The following NAV2 variants were observed in gnomAD, a reference collection of about 807,000 sequenced individuals.
The protein encoded by NAV2 is neuron navigator 2, also known as helicase, APC down-regulated 1.
NAV2 carries 54 observed loss-of-function variants against 223.2 expected under a neutral mutation model. The observed-to-expected ratio is 0.24, with a 90% CI of 0.19 to 0.30. The LOEUF is 0.30. Among genes scored for constraint, NAV2 ranks in the 10% least tolerant of loss-of-function variants. The pLI is 1.00. For missense variants in NAV2, 2,806 were observed against 3,147.5 expected (o/e 0.89, Z 2.60); for synonymous variants, 1,279 against 1,239.3 (o/e 1.03, Z -0.67).
chr11:19,545,969 T>C (rs1315162395), intron 1 of NAV2, among the ~76,000 whole-genome samples: 1 of 152,166 alleles, frequency 6.6e-6, no homozygotes, highest in East Asian at 1.9e-4. Flanking sequence ...GCAGAGTCTA[T>C]AATCTAATCT....
At chr11:20,058,031 G>C (rs1418241766) in intron 19 of NAV2, among the ~76,000 whole-genome samples, 1 of 152,102 alleles carries the variant, frequency 6.6e-6, no homozygotes, top group African/African-American at 2.4e-5. Flanking sequence ...ATCATCTTTT[G>C]GAAAATATGG....
intron 1 of NAV2, among the ~76,000 whole-genome samples, chr11:19,826,903 C>T (rs1324377251): frequency 6.6e-6 from 1 of 152,238 alleles, no homozygotes; most frequent in Non-Finnish European, 1.5e-5. Context: ...TTACCAGCCT[C>T]CTGCGGTGGG....
chr11:19,697,628 G>T (rs921080206), intron 1 of NAV2, among the ~76,000 whole-genome samples: 5 of 152,080 alleles, frequency 3.3e-5, no homozygotes, highest in Non-Finnish European at 5.9e-5. Context: ...TGGGGCAGGA[G>T]GGGTCTTGGG....
At chr11:19,378,196 C>A (rs1231430640) in intron 1 of NAV2, among the ~76,000 whole-genome samples, 4 of 152,192 alleles carry the variant, frequency 2.6e-5, no homozygotes, top group Non-Finnish European at 4.4e-5. Flanking sequence ...CCCCAGCCCC[C>A]CTACACATGT....
At chr11:19,937,064 G>A (rs1229553368) in intron 7 of NAV2, among the ~76,000 whole-genome samples, 2 of 152,124 alleles carry the variant, frequency 1.3e-5, no homozygotes, top group African/African-American at 2.4e-5. Context: ...CTTGAACCTG[G>A]GAAGCGGAGG....
rs568755490 is a variant in NAV2 at position 19,876,944 on chromosome 11, ATATT to A, written c.512-2917_512-2914del. ...ATTAAATATATTTATATATATTTAT[ATATT>A]TATTTATCAATAAAAAATATTTATT... On this transcript the variant is annotated intron_variant, in intron 4 of 37. Coordinates refer to ENST00000349880, the MANE Select transcript of NAV2 (RefSeq NM_145117.5). 4.3e-3 allele frequency among the ~76,000 whole-genome samples: 612 copies of A among 141,458 alleles called. 5 individuals are homozygous for A. The highest frequency in any genetic ancestry group is 0.012 in the African/African-American group (495 of 40,242). The allele number at this position is 141,458 out of a possible 152,430, so 92.8% of individuals were successfully genotyped here. A position where few individuals can be genotyped will look rare whatever the true frequency, so the allele number is the denominator to read the frequency against.
intron 1 of NAV2, among the ~76,000 whole-genome samples, chr11:19,603,507 G>A (rs921699685): frequency 1.3e-4 from 19 of 151,806 alleles, no homozygotes; most frequent in African/African-American, 4.6e-4. Context: ...TGCGCCTGTA[G>A]TCCCAGCTAC....
At chr11:19,799,030 C>CTGCAAGACCA (rs2058078605) in intron 1 of NAV2, among the ~76,000 whole-genome samples, 1 of 152,180 alleles carries the variant, frequency 6.6e-6, no homozygotes, top group African/African-American at 2.4e-5. Context: ...AGGCTGGGTC[C>CTGCAAGACCA]TGCAAGACCA....
intron 11 of NAV2, among the ~76,000 whole-genome samples, chr11:19,999,636 G>A (rs183793417): frequency 1.2e-4 from 18 of 152,320 alleles, no homozygotes; most frequent in African/African-American, 4.1e-4. Context: ...CTCCCAAAGT[G>A]CTGGGATTAC....
chr11:19,622,442 G>A (rs1590707028), intron 1 of NAV2, among the ~76,000 whole-genome samples: 1 of 152,190 alleles, frequency 6.6e-6, no homozygotes, highest in Non-Finnish European at 1.5e-5. Context: ...GGGTGCTCCT[G>A]TATTGGGTTG....
At chr11:20,081,259 A>G (rs2060073998) in intron 25 of NAV2, among the ~76,000 whole-genome samples, 1 of 152,190 alleles carries the variant, frequency 6.6e-6, no homozygotes, top group Non-Finnish European at 1.5e-5. Flanking sequence ...AATGGCTCTT[A>G]GTCAACTTAT....
intron 1 of NAV2, among the ~76,000 whole-genome samples, chr11:19,427,045 CA>C (rs1382345598): frequency 6.7e-6 from 1 of 148,184 alleles, no homozygotes; most frequent in Non-Finnish European, 1.5e-5. Flanking sequence ...GACTTCTTAG[CA>C]GCTGACCGGG....
chr11:19,714,670 G>C (rs1590145655), intron 1 of NAV2, among the ~76,000 whole-genome samples: 1 of 152,196 alleles, frequency 6.6e-6, no homozygotes, highest in African/African-American at 2.4e-5. Flanking sequence ...TCCTTCCTGG[G>C]TGGTAGATCC....
At position 19,980,020 on chromosome 11, in the gene NAV2, A is replaced by G. The variant is rs73432286; in HGVS notation, c.2646-4105A>G. Among the ~76,000 whole-genome samples the G allele has an allele frequency of 9.3e-3, 1,416 of 152,334 alleles. 24 individuals carry two copies. Among genetic ancestry groups the G allele is most frequent in the African/African-American group, 0.032 (1,339 of 41,566 alleles). Reference sequence around the variant, plus strand: ...CAGTACCCAGTGAGCATTTAGTACCATTAGTGCTTACTAACAATGATGTAT... The same window carrying G: ...CAGTACCCAGTGAGCATTTAGTACCGTTAGTGCTTACTAACAATGATGTAT... On this transcript the variant is annotated intron_variant, in intron 10 of 37. Coordinates refer to ENST00000349880, the MANE Select transcript of NAV2 (RefSeq NM_145117.5).
intron 6 of NAV2, among the ~76,000 whole-genome samples, chr11:19,904,964 G>A (rs945402859): frequency 6.6e-6 from 1 of 152,138 alleles, no homozygotes; most frequent in Non-Finnish European, 1.5e-5. Context: ...GATTTGTTCT[G>A]GAAGAGTCTC....
At chr11:19,834,040 G>C (rs2060095489) in intron 2 of NAV2, among the ~76,000 whole-genome samples, 1 of 152,156 alleles carries the variant, frequency 6.6e-6, no homozygotes, top group Non-Finnish European at 1.5e-5. Context: ...CTTTGCAATA[G>C]TCTATTGGTT....
At chr11:20,012,146 CTGTCTAGGTCCAGCT>C (rs2053609629) in intron 11 of NAV2, among the ~76,000 whole-genome samples, 2 of 152,228 alleles carry the variant, frequency 1.3e-5, no homozygotes, top group African/African-American at 4.8e-5. Context: ...AATGGAGTTT[CTGTCTAGGTCCAGCT>C]AGCTCCCTGC....
intron 1 of NAV2, chr11:19,778,399 G>T (rs1316266878): frequency 6.6e-6 from 3 of 454,730 alleles, no homozygotes; most frequent in African/African-American, 6.0e-5. Context: ...CATATTTGTG[G>T]ATTGCCTGGC....
At chr11:20,105,781 C>A in intron 35 of NAV2, 54 bp downstream of exon 35, 1 of 1,421,354 alleles carries the variant, frequency 7.0e-7, no homozygotes, top group Non-Finnish European at 9.8e-7. Context: ...GGTGCCCATC[C>A]TCTGGGCCCT....
Sources: gnomAD v4.1 joint callset for allele counts (sites outside exome capture counted in the v4.1 genomes callset) on GRCh38, gnomAD v4.1.1 for gene constraint, MANE v1.5 for transcripts, NCBI Gene and HGNC (gene_info 2026-07-23, HGNC 2026-07-21) for gene names.